The following STS variants were observed in gnomAD, a reference collection of about 807,000 sequenced individuals.
STS encodes steroid sulfatase.
A neutral mutation model predicts 26.8 loss-of-function variants in STS; 7 were observed. The observed-to-expected ratio is 0.26, with a 90% confidence interval of 0.15 to 0.49. The LOEUF is 0.49. STS is among the 20% of genes least tolerant of loss of function. The pLI is 0.98. For missense variants in STS, 434 were observed against 465.6 expected (o/e 0.93, Z 0.63); for synonymous variants, 199 against 189.4 (o/e 1.05, Z -0.42).
intron 8 of STS, among the ~76,000 whole-genome samples, chrX:7,314,475 G>A (rs141436660): frequency 0.025 from 2,771 of 112,346 alleles, 51 homozygotes; most frequent in African/African-American, 0.054. Context: ...AGACAGATGG[G>A]TTAACATTAG....
intron 2 of STS, among the ~76,000 whole-genome samples, chrX:7,192,599 A>G (rs1933896964): frequency 9.0e-6 from 1 of 110,697 alleles, no homozygotes; most frequent in South Asian, 3.8e-4. Flanking sequence ...GCAGTTTCAT[A>G]GGGTGCTTAT....
intron 2 of STS, among the ~76,000 whole-genome samples, chrX:7,218,042 C>A (rs1921382814): frequency 9.0e-6 from 1 of 111,340 alleles, no homozygotes; most frequent in East Asian, 2.8e-4. Context: ...GAGGTTGGGA[C>A]TGTTTTGTGT....
chrX:7,168,148 A>C (rs1413381332), intron 1 of STS, among the ~76,000 whole-genome samples: 1 of 111,396 alleles, frequency 9.0e-6, no homozygotes, highest in Non-Finnish European at 1.9e-5. Context: ...TTGTACTCAC[A>C]ACAATACAAA....
At chrX:7,323,731 A>C (rs182917468) in intron 8 of STS, among the ~76,000 whole-genome samples, 30 of 112,042 alleles carry the variant, frequency 2.7e-4, no homozygotes, top group African/African-American at 8.4e-4. Context: ...CTTTGGGAAT[A>C]ACCATGAATT....
At chrX:7,189,518 C>T (rs1933834704) in intron 1 of STS, among the ~76,000 whole-genome samples, 1 of 112,212 alleles carries the variant, frequency 8.9e-6, no homozygotes, top group African/African-American at 3.2e-5. Flanking sequence ...CTTTGTATTA[C>T]AGACACCGAA....
chrX:7,311,562 T>TA (rs1437282219), intron 8 of STS, among the ~76,000 whole-genome samples: 1 of 112,118 alleles, frequency 8.9e-6, no homozygotes, highest in African/African-American at 3.2e-5. Flanking sequence ...AACACTCTAA[T>TA]ATCAACCAGC....
intron 7 of STS, among the ~76,000 whole-genome samples, chrX:7,281,723 C>G (rs1924871059): frequency 8.9e-6 from 1 of 112,000 alleles, no homozygotes; most frequent in Admixed American, 9.4e-5. Context: ...TTGGTCTAAG[C>G]CCTTCAAATT....
chrX:7,220,918 C>T (rs771279814), intron 2 of STS, among the ~76,000 whole-genome samples: 28 of 111,718 alleles, frequency 2.5e-4, no homozygotes, highest in Middle Eastern at 4.6e-3. Flanking sequence ...CTCCATCCCT[C>T]TTAAATCGCA....
intron 3 of STS, among the ~76,000 whole-genome samples, chrX:7,254,749 AATTTTTTGT>A (rs1923322337): frequency 1.8e-5 from 2 of 108,903 alleles, no homozygotes; most frequent in South Asian, 8.1e-4. Context: ...ATGCCTGGCT[AATTTTTTGT>A]ATTTTTTGAA....
intron 2 of STS, among the ~76,000 whole-genome samples, chrX:7,235,578 C>T (rs1407478525): frequency 9.0e-6 from 1 of 111,621 alleles, no homozygotes; most frequent in Non-Finnish European, 1.9e-5. Context: ...CAGGACCAGC[C>T]TGGGCAACAT....
chrX:7,284,350 G>A (rs1461677355), intron 7 of STS, among the ~76,000 whole-genome samples: 1 of 111,683 alleles, frequency 9.0e-6, no homozygotes, highest in Non-Finnish European at 1.9e-5. Flanking sequence ...GTCCAGCACA[G>A]ACCCATCTGT....
intron 8 of STS, among the ~76,000 whole-genome samples, chrX:7,324,861 T>G (rs1206348727): frequency 8.9e-6 from 1 of 111,827 alleles, no homozygotes; most frequent in Non-Finnish European, 1.9e-5. Flanking sequence ...CAGGGTAATC[T>G]CCTCATCTCA....
intron 1 of STS, among the ~76,000 whole-genome samples, chrX:7,177,399 T>C (rs1933592482): frequency 3.4e-5 from 2 of 58,191 alleles, no homozygotes; most frequent in Non-Finnish European, 3.2e-5. Context: ...ACATGAACTT[T>C]TTCTGTGTCA....
At chrX:7,237,154 ATCTT>A (rs1922352704) in intron 2 of STS, among the ~76,000 whole-genome samples, 1 of 108,323 alleles carries the variant, frequency 9.2e-6, no homozygotes, top group African/African-American at 3.4e-5. Context: ...AGGACTATCT[ATCTT>A]TTAACTAGAT....
At chrX:7,291,952 C>A (rs774837028) in intron 7 of STS, among the ~76,000 whole-genome samples, 2 of 112,277 alleles carry the variant, frequency 1.8e-5, no homozygotes, top group South Asian at 7.3e-4. Flanking sequence ...CAGTAACAAC[C>A]ATCTATAAAT....
At chrX:7,160,926 AG>A (rs1279506197) in intron 1 of STS, among the ~76,000 whole-genome samples, 1 of 111,663 alleles carries the variant, frequency 9.0e-6, no homozygotes, top group Non-Finnish European at 1.9e-5. Flanking sequence ...GTTTATCCTC[AG>A]GACCATGCAT....
chrX:7,244,761 A>G (rs969111713), intron 2 of STS, among the ~76,000 whole-genome samples: 2 of 111,346 alleles, frequency 1.8e-5, no homozygotes, highest in Non-Finnish European at 3.8e-5. Flanking sequence ...CTCCCCACCA[A>G]TAAAGACTCA....
At chrX:7,194,777 C>T (rs182769889) in intron 2 of STS, among the ~76,000 whole-genome samples, 34 of 111,853 alleles carry the variant, frequency 3.0e-4, no homozygotes, top group African/African-American at 1.1e-3. Context: ...TGCTTTGTTA[C>T]GTGATACAGT....
At chrX:7,345,867 C>T (rs1377777340) in intron 10 of STS, among the ~76,000 whole-genome samples, 2 of 112,129 alleles carry the variant, frequency 1.8e-5, no homozygotes, top group Admixed American at 9.4e-5. Flanking sequence ...TAGTACATAA[C>T]GAAAGTTCTG....
Sources: allele counts gnomAD v4.1 joint callset (sites outside exome capture counted in the v4.1 genomes callset), GRCh38; gene constraint gnomAD v4.1.1; transcripts MANE v1.5; gene names NCBI Gene and HGNC (gene_info 2026-07-23, HGNC 2026-07-21).